CROCC2: variants seen among roughly 807,000 people sequenced by gnomAD.
CROCC2 encodes ciliary rootlet coiled-coil protein 2.
In CROCC2, 163 loss-of-function variants were observed where a neutral mutation model predicts 177.6. The ratio of observed to expected loss-of-function variants is 0.92; its 90% CI spans 0.81 to 1.05. CROCC2 has a LOEUF of 1.05. Ranked by LOEUF, CROCC2 falls within the 50% of genes least tolerant of loss-of-function variation. The pLI is 0.00. For missense variants in CROCC2, 1,929 were observed against 1,797.8 expected (o/e 1.07, Z -1.32); for synonymous variants, 904 against 787.3 (o/e 1.15, Z -2.48).
intron 2 of CROCC2, among the ~76,000 whole-genome samples, chr2:240,919,118 G>A (rs13034855): frequency 5.5e-5 from 8 of 146,066 alleles, no homozygotes; most frequent in South Asian, 2.2e-4. Flanking sequence ...CTGGGCCCGC[G>A]GCTGGCCAAG....
intron 14 of CROCC2, among the ~76,000 whole-genome samples, chr2:240,937,536 T>G (rs2059477959): frequency 6.6e-6 from 1 of 152,212 alleles, no homozygotes; most frequent in African/African-American, 2.4e-5. Flanking sequence ...AAACTCCAAT[T>G]TATCTATTTC....
intron 14 of CROCC2, among the ~76,000 whole-genome samples, chr2:240,941,529 A>G (rs2059494495): frequency 6.6e-6 from 1 of 152,210 alleles, no homozygotes; most frequent in Admixed American, 6.5e-5. Flanking sequence ...AAACCCAAAT[A>G]CTTACAGTCA....
chr2:240,931,972 G>T (rs2059434426), intron 7 of CROCC2, among the ~76,000 whole-genome samples: 1 of 152,260 alleles, frequency 6.6e-6, no homozygotes, highest in Non-Finnish European at 1.5e-5. Flanking sequence ...TAGACTAATG[G>T]TGACAGGTGC....
intron 14 of CROCC2, among the ~76,000 whole-genome samples, chr2:240,942,771 T>C (rs758324855): frequency 8.5e-5 from 13 of 152,172 alleles, no homozygotes; most frequent in Non-Finnish European, 1.9e-4. Context: ...CTCTCCTATG[T>C]TCCTAATGGG....
rs1438674725 is a variant in CROCC2 at position 240,934,345 on chromosome 2, A to C, written c.1661A>C (p.Gln554Pro). 1 of 1,548,612 alleles carries C rather than the reference A, an allele frequency of 6.5e-7. No homozygotes were observed. The highest frequency in any genetic ancestry group is 8.7e-7 in the Non-Finnish European group (1 of 1,146,886). Residue 554 changes from glutamine to proline, a missense_variant, in exon 12 of 32, where the codon CAG becomes CCG. Gln to Pro is a moderately conservative substitution (Grantham distance 76). Transcript: ENST00000690015. ...TGGGGCCTCAGTCAAGGCCGCCTGC[A>C]GCAGCTGGAGGAGAAGGTCTCCGGG... is the stretch of plus-strand genomic sequence containing the variant. ...RALETSQGRL[Q>P]QLEEKVSGLR...
chr2:240,989,584 A>G, intron 29 of CROCC2, 70 bp from the exon 30 acceptor site: 1 of 1,431,388 alleles, frequency 7.0e-7, no homozygotes, highest in South Asian at 1.4e-5. Context: ...ACCCTGTGGC[A>G]CTCCTGCCCT....
rs565848159 is a variant in CROCC2 at position 240,933,102 on chromosome 2, G to A, written c.1252-29G>A. On this transcript the variant is annotated intron_variant, in intron 9 of 31. Transcript: ENST00000690015. Reference sequence around the variant, plus strand: ...GTGGGCAAAGCCTGCCTAGGCCAGAGAGGCCCACAACTTACCCCACCCGAG... The same window carrying A: ...GTGGGCAAAGCCTGCCTAGGCCAGAAAGGCCCACAACTTACCCCACCCGAG... 57 of 1,549,316 alleles carry A rather than the reference G, an allele frequency of 3.7e-5. No individual in the cohort carries two copies. The South Asian group carries it at 6.3e-4, about 17-fold the overall frequency.
intron 27 of CROCC2, among the ~76,000 whole-genome samples, chr2:240,975,452 G>A (rs555523416): frequency 6.6e-6 from 1 of 152,344 alleles, no homozygotes; most frequent in South Asian, 2.1e-4. Context: ...CCTGCCAGTG[G>A]GCAATCAAAT....
intron 14 of CROCC2, among the ~76,000 whole-genome samples, chr2:240,937,080 A>C (rs1299904245): frequency 6.6e-6 from 1 of 152,214 alleles, no homozygotes; most frequent in Non-Finnish European, 1.5e-5. Context: ...CTTTCCGAAA[A>C]AGCAGGCAGC....
Position 240,918,667 on chromosome 2 carries a change from G to T in CROCC2, c.79-59G>T. On this transcript the variant is annotated intron_variant, in intron 1 of 31. Transcript: ENST00000690015. This position sits in a 1 kb window ranked among gnomAD's most constrained non-coding sequence, Gnocchi z 6.3. ...GGCTCCCATTCAGTGGGATCGTAGA[G>T]GGTGCCTGGCAGCTGTTGGGGGCTG... 1.9e-6 allele frequency: 1 copy of T among 535,026 alleles called. No homozygotes were observed. The allele number at this position is 535,026 out of a possible 1,614,324, so 33.1% of individuals were successfully genotyped here. A position where few individuals can be genotyped will look rare whatever the true frequency, so the allele number is the denominator to read the frequency against.
intron 27 of CROCC2, among the ~76,000 whole-genome samples, chr2:240,975,039 G>T (rs915537677): frequency 6.6e-6 from 1 of 152,056 alleles, no homozygotes; most frequent in Non-Finnish European, 1.5e-5. Context: ...GTTGTTTATT[G>T]GTCGTTTGCT....
Position 240,935,444 on chromosome 2 carries a change from G to C in CROCC2, c.2025G>C (p.Ala675=), listed in dbSNP as rs372103663. The C allele has an allele frequency of 7.3e-7, 1 of 1,367,784 alleles. No homozygotes were observed. Among genetic ancestry groups the C allele is most frequent in the South Asian group, 1.8e-5 (1 of 54,310 alleles). 84.7% of individuals were successfully genotyped at this position (1,367,784 alleles called of 1,614,324 possible). ...RARAGEQLAQ[A]EQQLALERAE... ...GGGCCGGGGAGCAGCTGGCACAGGCGGAGCAGCAGCTGGCGCTGGAGCGGG... is the reference window on the plus strand; with the variant it reads ...GGGCCGGGGAGCAGCTGGCACAGGCCGAGCAGCAGCTGGCGCTGGAGCGGG... The change falls in exon 14 of 32, where the codon GCG becomes GCC. Residue 675 remains alanine (A), a synonymous_variant. Transcript: ENST00000690015.
intron 27 of CROCC2, among the ~76,000 whole-genome samples, chr2:240,974,471 A>T (rs1449797071): frequency 6.7e-6 from 1 of 149,748 alleles, no homozygotes; most frequent in African/African-American, 2.5e-5. Context: ...CCTCTTGAGT[A>T]GCTGGGACTA....
chr2:240,915,291 C>T (rs933772048), intron 1 of CROCC2, among the ~76,000 whole-genome samples: 1 of 152,020 alleles, frequency 6.6e-6, no homozygotes, highest in African/African-American at 2.4e-5. Context: ...GCAGGTGGGA[C>T]CCTGGATCCA....
intron 1 of CROCC2, among the ~76,000 whole-genome samples, chr2:240,910,147 A>T (rs932550147): frequency 1.5e-4 from 23 of 151,626 alleles, no homozygotes; most frequent in Non-Finnish European, 7.4e-5. Context: ...GAAACTCTCA[A>T]CCTCTGTCCC....
chr2:240,974,794 G>A (rs1156364266), intron 27 of CROCC2, among the ~76,000 whole-genome samples: 1 of 152,072 alleles, frequency 6.6e-6, no homozygotes, highest in Non-Finnish European at 1.5e-5. Flanking sequence ...ATTGTGGTTT[G>A]GTACGTGTCC....
At chr2:240,971,777 T>C (rs1387248215) in intron 27 of CROCC2, among the ~76,000 whole-genome samples, 1 of 152,184 alleles carries the variant, frequency 6.6e-6, no homozygotes, top group Non-Finnish European at 1.5e-5. Flanking sequence ...ATCCCAATAC[T>C]GATCCCCTGG....
At chr2:240,940,187 T>C (rs901999725) in intron 14 of CROCC2, among the ~76,000 whole-genome samples, 3 of 152,172 alleles carry the variant, frequency 2.0e-5, no homozygotes, top group African/African-American at 7.2e-5. Flanking sequence ...GAATTGTCTG[T>C]TTCTTCCACT....
chr2:240,967,703 C>T, intron 26 of CROCC2: 3 of 500,152 alleles, frequency 6.0e-6, no homozygotes, highest in Non-Finnish European at 7.8e-6. Flanking sequence ...CATCAGGGCC[C>T]TCCCGATCCG....
Sources: allele counts gnomAD v4.1 joint callset (sites outside exome capture counted in the v4.1 genomes callset), GRCh38; gene constraint gnomAD v4.1.1; non-coding constraint Gnocchi (gnomAD v3.1); transcripts MANE v1.5; gene names NCBI Gene and HGNC (gene_info 2026-07-23, HGNC 2026-07-21).